PHF3: variants seen among roughly 807,000 people sequenced by gnomAD.
PHF3 encodes PHD finger protein 3.
Under a neutral mutation model 178.4 loss-of-function variants are expected in PHF3, and 41 were observed. The ratio of observed to expected loss-of-function variants is 0.23; its 90% confidence interval spans 0.18 to 0.30. The LOEUF (loss-of-function observed/expected upper bound fraction) is 0.30. PHF3 is among the 10% of genes least tolerant of loss of function. The pLI is 1.00. For synonymous variants in PHF3, 842 were observed against 800.5 expected (o/e 1.05, Z -0.88); for missense variants, 2,346 against 2,398.1 (o/e 0.98, Z 0.45).
In PHF3 at chr6:63,713,587, A is replaced by G. The variant is rs143789721; in HGVS notation, c.5999A>G (p.Lys2000Arg). 10 of 1,613,628 alleles carry G rather than the reference A, an allele frequency of 6.2e-6. No homozygotes were observed. The highest frequency in any genetic ancestry group is 2.7e-5 in the African/African-American group (2 of 74,886). The change falls in exon 16 of 16, where the codon AAA becomes AGA. Residue 2000 changes from lysine to arginine, a missense_variant. Physicochemically the swap from Lys to Arg is conservative, Grantham distance 26. This residue lies in a region of PHF3 where 839 missense variants were observed against 806.9 expected (regional missense o/e 1.04). Transcript: ENST00000262043. ...RNVDKKPDKP[K>R]SEDYEKDKER... is the part of the protein sequence containing the mutation. ...GTAGACAAGAAGCCAGATAAACCTAAAAGTGAAGACTATGAGAAGGACAAA... is the reference window on the plus strand; with the variant it reads ...GTAGACAAGAAGCCAGATAAACCTAGAAGTGAAGACTATGAGAAGGACAAA...
At position 63,685,498 on chromosome 6, in the gene PHF3, A is replaced by C. The variant is rs1318590928; in HGVS notation, c.1776A>C (p.Leu592Phe). 6.2e-7 allele frequency: 1 copy of C among 1,614,126 alleles called. No individual in the cohort carries two copies. Among genetic ancestry groups the C allele is most frequent in the Non-Finnish European group, 8.5e-7 (1 of 1,180,022 alleles). ...CTTTAGTACAAATTTTCAAGCCCTTAACTCATTCTTTGAGTGATAAGTCAC... is the reference window on the plus strand; with the variant it reads ...CTTTAGTACAAATTTTCAAGCCCTTCACTCATTCTTTGAGTGATAAGTCAC... ...DQTLVQIFKPLTHSLSDKSHA... is the reference protein window; with the variant it reads ...DQTLVQIFKPFTHSLSDKSHA... The change falls in exon 4 of 16, where the codon TTA becomes TTC. Residue 592 changes from leucine (L) to phenylalanine (F), a missense_variant. By Grantham distance (22) the Leu-to-Phe change is conservative (BLOSUM62 0). Around this residue, in one of 8 missense-constraint regions of PHF3, gnomAD observed 843 missense variants for 795.2 expected, o/e 1.06. Coordinates refer to ENST00000262043, the MANE Select transcript of PHF3 (RefSeq NM_001370348.2).
chr6:63,720,570 T>C lies in PHF3; in HGVS notation c.*6862T>C, dbSNP rs1344021114. 19 of 1,420,660 alleles carry C rather than the reference T, an allele frequency of 1.3e-5. No individual in the cohort carries two copies. The highest frequency in any genetic ancestry group is 1.8e-5 in the Non-Finnish European group (19 of 1,069,680). The allele number at this position is 1,420,660 out of a possible 1,614,324, so 88.0% of individuals were successfully genotyped here. A position where few individuals can be genotyped will look rare whatever the true frequency, so the allele number is the denominator to read the frequency against. On this transcript the variant is annotated 3_prime_UTR_variant, in exon 16 of 16. Coordinates refer to ENST00000262043, the MANE Select transcript of PHF3 (RefSeq NM_001370348.2). ...TCAAAATAACTGCATTTATGTATAG[T>C]GTGTACTAAAATCTCTAGTGTTAAC... is the stretch of plus-strand genomic sequence containing the variant.
intron 2 of PHF3, among the ~76,000 whole-genome samples, chr6:63,654,381 T>G (rs1280990254): frequency 6.6e-6 from 1 of 152,172 alleles, no homozygotes; most frequent in Non-Finnish European, 1.5e-5. Flanking sequence ...TTATCAAATG[T>G]TGAACAAGAT....
Position 63,712,697 on chromosome 6 carries a change from T to C in PHF3, c.5109T>C (p.Ser1703=). The C allele has an allele frequency of 6.2e-7, 1 of 1,613,980 alleles. No individual in the cohort carries two copies. The highest frequency in any genetic ancestry group is 8.5e-7 in the Non-Finnish European group (1 of 1,179,970). Residue 1703 remains serine (S), a synonymous_variant, in exon 16 of 16, where the codon TCT becomes TCC. Transcript: ENST00000262043. The part of the protein sequence containing the change: ...EQINVEEKLC[S]AEKNSCVQQS... Reference sequence around the variant, plus strand: ...TCAATGTAGAGGAAAAGTTGTGTTCTGCAGAGAAAAACTCGTGTGTTCAGC... The same window carrying C: ...TCAATGTAGAGGAAAAGTTGTGTTCCGCAGAGAAAAACTCGTGTGTTCAGC...
At chr6:63,687,313 A>G (rs916478317) in intron 4 of PHF3, among the ~76,000 whole-genome samples, 3 of 152,192 alleles carry the variant, frequency 2.0e-5, no homozygotes, top group Non-Finnish European at 4.4e-5. Flanking sequence ...AATCCCAGCT[A>G]TGTGGGAGAC....
chr6:63,655,374 G>A (rs1400767512), intron 2 of PHF3, among the ~76,000 whole-genome samples: 1 of 152,016 alleles, frequency 6.6e-6, no homozygotes, highest in Non-Finnish European at 1.5e-5. Flanking sequence ...ACCATGCCCG[G>A]CCTGTTTTTG....
rs375611768 is a variant in PHF3, at chr6:63,698,203, T to G, written c.2681-20T>G. Reference sequence around the variant, plus strand: ...ATTTTTAAAAGCAATGTAATGAGTTTCGATATTTATTCAAATTAGGTACTC... The same window carrying G: ...ATTTTTAAAAGCAATGTAATGAGTTGCGATATTTATTCAAATTAGGTACTC... On this transcript the variant is annotated intron_variant, in intron 6 of 15. Transcript: ENST00000262043. 1.8e-5 allele frequency: 29 copies of G among 1,579,750 alleles called. No individual in the cohort carries two copies. The African/African-American group carries it at 2.0e-4, about 11-fold the overall frequency.
chr6:63,637,937 GTTTAT>G (rs1561932838), intron 1 of PHF3, among the ~76,000 whole-genome samples: 1 of 152,102 alleles, frequency 6.6e-6, no homozygotes, highest in Non-Finnish European at 1.5e-5. Context: ...GAAAAATATA[GTTTAT>G]TTTACTGCTT....
At chr6:63,642,975 G>C (rs1057489745) in intron 1 of PHF3, among the ~76,000 whole-genome samples, 1 of 152,002 alleles carries the variant, frequency 6.6e-6, no homozygotes, top group African/African-American at 2.4e-5. Context: ...AGGGTGTGTA[G>C]TGTTTGTATA....
intron 2 of PHF3, among the ~76,000 whole-genome samples, chr6:63,665,197 GTTTC>G (rs1032219968): frequency 7.2e-5 from 11 of 152,098 alleles, no homozygotes; most frequent in African/African-American, 2.6e-4. Context: ...AAGAAAAAGA[GTTTC>G]TTTCTTATCA....
Position 63,714,961 on chromosome 6 carries a change from AAAGT to A in PHF3, c.*1257_*1260del, listed in dbSNP as rs1388740655. ...CACATGGTTTTGATGGCTGTAATTT[AAAGT>A]AAGAGCTATCAAATGATGCTGACAA... On this transcript the variant is annotated 3_prime_UTR_variant, in exon 16 of 16. Transcript: ENST00000262043. 3 of 151,954 alleles carry A rather than the reference AAAGT, an allele frequency of 2.0e-5. No homozygotes were observed. Among genetic ancestry groups the A allele is most frequent in the Admixed American group, 1.3e-4 (2 of 15,230 alleles). The allele number at this position is 151,954 out of a possible 1,614,324, so 9.4% of individuals were successfully genotyped here. A position where few individuals can be genotyped will look rare whatever the true frequency, so the allele number is the denominator to read the frequency against.
At chr6:63,707,795 A>T (rs552885194) in intron 13 of PHF3, among the ~76,000 whole-genome samples, 1 of 151,956 alleles carries the variant, frequency 6.6e-6, no homozygotes, top group Non-Finnish European at 1.5e-5. Flanking sequence ...GTTTAATTCA[A>T]TGTAATACTG....
intron 3 of PHF3, among the ~76,000 whole-genome samples, chr6:63,681,755 GT>G (rs1296458948): frequency 5.9e-5 from 9 of 151,990 alleles, no homozygotes; most frequent in Non-Finnish European, 1.2e-4. Flanking sequence ...TAAAAAAAAT[GT>G]TTAAAAAGGT....
intron 2 of PHF3, among the ~76,000 whole-genome samples, chr6:63,652,331 G>A (rs1765052215): frequency 6.6e-6 from 1 of 152,072 alleles, no homozygotes; most frequent in South Asian, 2.1e-4. Flanking sequence ...TTAGTCATTT[G>A]TATGTCTATT....
intron 1 of PHF3, among the ~76,000 whole-genome samples, chr6:63,642,428 G>T (rs1764615158): frequency 6.6e-6 from 1 of 152,108 alleles, no homozygotes; most frequent in African/African-American, 2.4e-5. Context: ...CTTTCAGATG[G>T]GTTCATTTCA....
At chr6:63,655,248 T>G (rs1398541248) in intron 2 of PHF3, among the ~76,000 whole-genome samples, 1 of 152,004 alleles carries the variant, frequency 6.6e-6, no homozygotes. Context: ...GCTAATGTTT[T>G]GTATTTTTAG....
At chr6:63,673,519 C>T (rs1227978412) in intron 2 of PHF3, among the ~76,000 whole-genome samples, 1 of 152,148 alleles carries the variant, frequency 6.6e-6, no homozygotes, top group African/African-American at 2.4e-5. Flanking sequence ...TAAGCAAGAC[C>T]TAGCTCACTT....
chr6:63,689,472 T>G (rs1403332426), intron 4 of PHF3, among the ~76,000 whole-genome samples: 2 of 152,184 alleles, frequency 1.3e-5, no homozygotes, highest in East Asian at 3.8e-4. Flanking sequence ...TGATTCTATT[T>G]TTCTCTGCAG....
rs1191449033 is a variant in PHF3 at position 63,724,378 on chromosome 6, T to C, written c.*10670T>C. 6.6e-6 allele frequency among the ~76,000 whole-genome samples: 1 copy of C among 152,180 alleles called. No individual in the cohort carries two copies. Among genetic ancestry groups the C allele is most frequent in the Non-Finnish European group, 1.5e-5 (1 of 68,026 alleles). On this transcript the variant is annotated 3_prime_UTR_variant, in exon 16 of 16. Transcript: ENST00000262043. ...ATCAGGGGAATTGTATATACATTTT[T>C]TTCTGTAGAAAAGGAAAGCAATGGT...
Sources: gnomAD v4.1 joint callset for allele counts (sites outside exome capture counted in the v4.1 genomes callset) on GRCh38, gnomAD v4.1.1 for gene constraint, gnomAD v4.1.1 regional missense constraint, MANE v1.5 for transcripts, NCBI Gene and HGNC (gene_info 2026-07-23, HGNC 2026-07-21) for gene names.